The following PTGIS variants were observed in gnomAD, a reference collection of about 807,000 sequenced individuals.
PTGIS encodes prostaglandin I2 synthase.
PTGIS carries 45 observed loss-of-function variants against 50.3 expected under a neutral mutation model. That is an observed-to-expected ratio of 0.90 (90% CI 0.70 to 1.15). The LOEUF is 1.15. Among genes scored for constraint, PTGIS ranks in the 50% most tolerant of loss-of-function variants. The pLI, the probability that PTGIS is intolerant of heterozygous loss-of-function variation, is 0.00. For missense variants in PTGIS, 668 were observed against 661.3 expected, an observed-to-expected ratio of 1.01 and a Z score of -0.11; for synonymous variants, 260 against 267.7, an observed-to-expected ratio of 0.97 and a Z score of 0.28.
At position 49,507,525 on chromosome 20, in the gene PTGIS, T is replaced by C; in HGVS notation, c.*395A>G. Reference sequence around the variant, plus strand: ...TTCTGTGGCCAGCATCCGCTTTGACTGGATAAGGCCCGGGCCATGCTAGCT... The same window carrying C: ...TTCTGTGGCCAGCATCCGCTTTGACCGGATAAGGCCCGGGCCATGCTAGCT... On this transcript the variant is annotated 3_prime_UTR_variant, in exon 10 of 10. Coordinates refer to ENST00000244043, the MANE Select transcript of PTGIS (RefSeq NM_000961.4). The C allele has an allele frequency of 3.0e-6, 1 of 331,810 alleles. No homozygotes were observed. Among genetic ancestry groups the C allele is most frequent in the Non-Finnish European group, 5.8e-6 (1 of 171,682 alleles). The allele number at this position is 331,810 out of a possible 1,614,324, so 20.6% of individuals were successfully genotyped here. A position where few individuals can be genotyped will look rare whatever the true frequency, so the allele number is the denominator to read the frequency against.
At chr20:49,508,777 A>G (rs533215548) in intron 9 of PTGIS, among the ~76,000 whole-genome samples, 3 of 152,318 alleles carry the variant, frequency 2.0e-5, no homozygotes, top group Admixed American at 1.3e-4. Context: ...ATCTTCTGGG[A>G]AAACTGTCAT....
chr20:49,547,698 T>G, intron 3 of PTGIS, 143 bp downstream of exon 3: 1 of 978,628 alleles, frequency 1.0e-6, no homozygotes, highest in Non-Finnish European at 1.6e-6. Context: ...TTGGGTTGTT[T>G]TTTGTTTTGT....
At chr20:49,532,315 A>G (rs999856565) in intron 5 of PTGIS, among the ~76,000 whole-genome samples, 2 of 152,236 alleles carry the variant, frequency 1.3e-5, no homozygotes, top group Non-Finnish European at 2.9e-5. Context: ...GCAAACAGAT[A>G]GCAATAGTTA....
intron 6 of PTGIS, among the ~76,000 whole-genome samples, chr20:49,517,930 G>A (rs1311194778): frequency 6.6e-6 from 1 of 152,240 alleles, no homozygotes; most frequent in Non-Finnish European, 1.5e-5. Context: ...CCCAGGCGGA[G>A]GCACTGAGTG....
chr20:49,564,972 CTTTTT>C (rs397864477), intron 1 of PTGIS, among the ~76,000 whole-genome samples: 3 of 136,088 alleles, frequency 2.2e-5, no homozygotes, highest in Non-Finnish European at 3.2e-5. Flanking sequence ...CTTGTTTGCC[CTTTTT>C]TTTTTTTTTT....
Position 49,507,241 on chromosome 20 carries a change from T to A in PTGIS, c.*679A>T, listed in dbSNP as rs1331806836. ...GAAAGCCCATCCCATCTGGTGCCTG[T>A]CACTCTAGAACAGAGAACTCCACTC... is the stretch of plus-strand genomic sequence containing the variant. On this transcript the variant is annotated 3_prime_UTR_variant, in exon 10 of 10. Transcript: ENST00000244043. 2.5e-5 allele frequency: 4 copies of A among 157,802 alleles called. No homozygotes were observed. Among genetic ancestry groups the A allele is most frequent in the Non-Finnish European group, 5.6e-5 (4 of 71,434 alleles). The allele number at this position is 157,802 out of a possible 1,614,324, so 9.8% of individuals were successfully genotyped here.
intron 1 of PTGIS, among the ~76,000 whole-genome samples, chr20:49,552,105 A>G (rs948981602): frequency 6.6e-6 from 1 of 152,122 alleles, no homozygotes; most frequent in African/African-American, 2.4e-5. Context: ...TAAAAAGACA[A>G]GTTCCTCTCA....
intron 5 of PTGIS, among the ~76,000 whole-genome samples, chr20:49,534,713 G>A (rs1424210466): frequency 6.6e-6 from 1 of 152,180 alleles, no homozygotes; most frequent in Non-Finnish European, 1.5e-5. Flanking sequence ...TGCAACATGG[G>A]TATGTGAATA....
chr20:49,524,357 G>A (rs1335777795), intron 5 of PTGIS, 118 bp from the exon 6 acceptor site: 6 of 1,194,212 alleles, frequency 5.0e-6, no homozygotes, highest in Non-Finnish European at 7.0e-6. Context: ...ATTGAGGGTG[G>A]GGAGTTCCTG....
At chr20:49,528,857 G>C (rs1949478956) in intron 5 of PTGIS, among the ~76,000 whole-genome samples, 1 of 152,186 alleles carries the variant, frequency 6.6e-6, no homozygotes, top group Non-Finnish European at 1.5e-5. Flanking sequence ...TTGTGTGAAG[G>C]AACTCTAGAA....
At chr20:49,538,659 G>GTGCA (rs1982144606) in intron 5 of PTGIS, among the ~76,000 whole-genome samples, 1 of 148,674 alleles carries the variant, frequency 6.7e-6, no homozygotes, top group African/African-American at 2.5e-5. Flanking sequence ...CCACTTCTCA[G>GTGCA]TGCATTTATT....
Position 49,548,483 on chromosome 20 carries a change from A to AATGG in PTGIS, c.199-468_199-465dup, listed in dbSNP as rs377327811. ...AGATGGATGGATGGTTGGATGGAAG[A>AATGG]ATGGATGGATGGATGGATGGAAGGA... On this transcript the variant is annotated intron_variant, in intron 2 of 9. Transcript: ENST00000244043. Among the ~76,000 whole-genome samples, 138 of 151,386 alleles carry AATGG rather than the reference A, an allele frequency of 9.1e-4. 1 individual carries two copies. Among genetic ancestry groups the AATGG allele is most frequent in the African/African-American group, 3.1e-3 (127 of 41,246 alleles).
intron 1 of PTGIS, among the ~76,000 whole-genome samples, chr20:49,552,233 A>G (rs1982528304): frequency 6.6e-6 from 1 of 152,144 alleles, no homozygotes; most frequent in Admixed American, 6.6e-5. Context: ...TGGTTAAAAT[A>G]CTTAGAGAAA....
Position 49,511,556 on chromosome 20 carries a change from G to A in PTGIS, c.1207-377C>T, listed in dbSNP as rs565686880. ...GAACTCTGTAGAACTGGAGAAGAAG[G>A]GAAATACATATTTTTTACATTTAAG... On this transcript the variant is annotated intron_variant, in intron 8 of 9. Transcript: ENST00000244043. 3.4e-4 allele frequency among the ~76,000 whole-genome samples: 51 copies of A among 152,004 alleles called. 1 individual carries two copies. In the Middle Eastern group the frequency reaches 0.02, roughly 61 times the overall value.
At position 49,509,889 on chromosome 20, in the gene PTGIS, T is replaced by C. The variant is rs113518479; in HGVS notation, c.1358+1139A>G. Among the ~76,000 whole-genome samples the C allele has an allele frequency of 3.0e-3, 367 of 121,000 alleles. 1 individual carries two copies. Among genetic ancestry groups the C allele is most frequent in the Non-Finnish European group, 4.5e-3 (256 of 56,768 alleles). The allele number at this position is 121,000 out of a possible 152,430, so 79.4% of individuals were successfully genotyped here. Reference sequence around the variant, plus strand: ...TTTTTCTTTCTTTCTTTCTTTTTTTTTTTTTTTTTTTTTTCTGGAGACAGA... The same window carrying C: ...TTTTTCTTTCTTTCTTTCTTTTTTTCTTTTTTTTTTTTTTCTGGAGACAGA... On this transcript the variant is annotated intron_variant, in intron 9 of 9. Coordinates refer to ENST00000244043, the MANE Select transcript of PTGIS (RefSeq NM_000961.4).
intron 6 of PTGIS, among the ~76,000 whole-genome samples, chr20:49,521,076 G>A (rs1212028552): frequency 6.6e-6 from 1 of 152,192 alleles, no homozygotes; most frequent in Non-Finnish European, 1.5e-5. Flanking sequence ...CCTGGCCCAT[G>A]GTAGGTGCTC....
intron 3 of PTGIS, among the ~76,000 whole-genome samples, chr20:49,546,781 A>G (rs199993265): frequency 6.6e-6 from 1 of 152,234 alleles, no homozygotes; most frequent in African/African-American, 2.4e-5. Context: ...AAGTGAGCCT[A>G]TCAGACACCT....
intron 1 of PTGIS, among the ~76,000 whole-genome samples, chr20:49,557,821 C>T (rs754070176): frequency 6.6e-6 from 1 of 152,136 alleles, no homozygotes; most frequent in Non-Finnish European, 1.5e-5. Context: ...GAGAGAAATA[C>T]ATCATTGACT....
chr20:49,523,014 C>T (rs1032317112), intron 6 of PTGIS, among the ~76,000 whole-genome samples: 1 of 152,026 alleles, frequency 6.6e-6, no homozygotes, highest in Non-Finnish European at 1.5e-5. Flanking sequence ...CAGAGCAAGA[C>T]TCCATCTCAA....
Sources: gnomAD v4.1 joint callset for allele counts (sites outside exome capture counted in the v4.1 genomes callset) on GRCh38, gnomAD v4.1.1 for gene constraint, MANE v1.5 for transcripts, NCBI Gene and HGNC (gene_info 2026-07-23, HGNC 2026-07-21) for gene names.